KPNA3: variants seen among roughly 807,000 people sequenced by gnomAD.
KPNA3 encodes karyopherin subunit alpha 3, also known as importin subunit alpha-4.
KPNA3 carries 13 observed loss-of-function variants against 73.8 expected under a neutral mutation model. The ratio of observed to expected loss-of-function variants is 0.18; its 90% CI spans 0.11 to 0.28. The LOEUF (loss-of-function observed/expected upper bound fraction) is 0.28. KPNA3 is among the 10% of genes least tolerant of loss of function. The pLI is 1.00. For missense variants in KPNA3, 360 were observed against 618.1 expected (o/e 0.58, Z 4.43); for synonymous variants, 186 against 206.9 (o/e 0.90, Z 0.87).
intron 10 of KPNA3, 88 bp downstream of exon 10, chr13:49,719,687 T>C: frequency 1.1e-6 from 1 of 877,498 alleles, no homozygotes; most frequent in South Asian, 1.5e-5. Flanking sequence ...ACTTGACAAG[T>C]TGATAAAATG....
At chr13:49,736,594 G>GT (rs1369243210) in intron 2 of KPNA3, among the ~76,000 whole-genome samples, 1 of 152,128 alleles carries the variant, frequency 6.6e-6, no homozygotes, top group African/African-American at 2.4e-5. Context: ...TACCCCAAAG[G>GT]TAACACTTTG....
chr13:49,705,769 T>C lies in KPNA3; in HGVS notation c.1224A>G (p.Val408=). 1 of 1,609,450 alleles carries C rather than the reference T, an allele frequency of 6.2e-7. No individual in the cohort carries two copies. Among genetic ancestry groups the C allele is most frequent in the Non-Finnish European group, 8.5e-7 (1 of 1,177,666 alleles). The part of the protein sequence containing the change: ...SGRKDQVEYL[V]QQNVIPPFCN... ...AGAACGGTGGTATTACATTCTGCTG[T>C]ACAAGGTACTCAACCTAGACAACAA... is the stretch of plus-strand genomic sequence containing the variant. Residue 408 remains valine (V), a synonymous_variant, in exon 15 of 17, where the codon GTA becomes GTG. Coordinates refer to ENST00000261667, the MANE Select transcript of KPNA3 (RefSeq NM_002267.4).
intron 1 of KPNA3, among the ~76,000 whole-genome samples, chr13:49,748,549 T>C (rs1211084174): frequency 6.6e-6 from 1 of 152,096 alleles, no homozygotes; most frequent in Non-Finnish European, 1.5e-5. Context: ...GTGATATCTC[T>C]TTCTTAAACC....
intron 1 of KPNA3, among the ~76,000 whole-genome samples, chr13:49,762,245 A>G (rs1190924097): frequency 1.1e-4 from 14 of 129,110 alleles, no homozygotes; most frequent in Non-Finnish European, 2.3e-4. Context: ...CGGAGGGAGG[A>G]GGGGGGGCGC....
intron 6 of KPNA3, among the ~76,000 whole-genome samples, chr13:49,727,887 G>A (rs185916780): frequency 1.4e-3 from 217 of 152,246 alleles, no homozygotes; most frequent in Non-Finnish European, 2.5e-3. Context: ...AAAACTTTAC[G>A]GGGAAAATGC....
chr13:49,728,992 T>G (rs1384272919), intron 6 of KPNA3, among the ~76,000 whole-genome samples: 1 of 152,200 alleles, frequency 6.6e-6, no homozygotes, highest in Non-Finnish European at 1.5e-5. Context: ...GTTAATATCA[T>G]GAAAAAGACT....
chr13:49,785,005 C>G (rs1594465438), intron 1 of KPNA3, among the ~76,000 whole-genome samples: 1 of 152,100 alleles, frequency 6.6e-6, no homozygotes, highest in East Asian at 1.9e-4. Context: ...TAGGAATTAG[C>G]CAGGCAACAG....
At chr13:49,709,076 G>A (rs560909219) in intron 12 of KPNA3, among the ~76,000 whole-genome samples, 41 of 152,252 alleles carry the variant, frequency 2.7e-4, no homozygotes, top group African/African-American at 9.9e-4. Flanking sequence ...TTTACTCTGT[G>A]ATGACCAGGG....
intron 11 of KPNA3, among the ~76,000 whole-genome samples, chr13:49,710,536 G>A (rs1284529903): frequency 1.3e-5 from 2 of 152,210 alleles, no homozygotes; most frequent in African/African-American, 2.4e-5. Context: ...GGAATTGCAA[G>A]GAGGAATCAA....
At chr13:49,718,988 A>T (rs1186346595) in intron 10 of KPNA3, among the ~76,000 whole-genome samples, 3 of 152,026 alleles carry the variant, frequency 2.0e-5, no homozygotes, top group Non-Finnish European at 2.9e-5. Flanking sequence ...AAAAACACAA[A>T]TATACAACAA....
intron 1 of KPNA3, among the ~76,000 whole-genome samples, chr13:49,787,142 G>C (rs1430506700): frequency 6.6e-6 from 1 of 152,214 alleles, no homozygotes; most frequent in African/African-American, 2.4e-5. Flanking sequence ...AGAGCTAACT[G>C]AATTTTGCAG....
At chr13:49,778,499 T>G (rs1021882384) in intron 1 of KPNA3, among the ~76,000 whole-genome samples, 1 of 152,242 alleles carries the variant, frequency 6.6e-6, no homozygotes, top group African/African-American at 2.4e-5. Flanking sequence ...CTCTTTAATT[T>G]GACTAAGGAC....
At position 49,729,484 on chromosome 13, in the gene KPNA3, A is replaced by G. The variant is rs1341238248; in HGVS notation, c.383+2887T>C. On this transcript the variant is annotated intron_variant, in intron 6 of 16. Coordinates refer to ENST00000261667, the MANE Select transcript of KPNA3 (RefSeq NM_002267.4). ...AAAAGATATAGAAAAAACGAGTGCA[A>G]TAACAAATGGACATTTATGGCCGAG... Among the ~76,000 whole-genome samples the G allele has an allele frequency of 2.0e-5, 3 of 152,204 alleles. No individual in the cohort carries two copies. The South Asian group carries it at 6.2e-4, about 31-fold the overall frequency.
intron 1 of KPNA3, among the ~76,000 whole-genome samples, chr13:49,777,475 T>C (rs1954906811): frequency 6.6e-6 from 1 of 152,154 alleles, no homozygotes; most frequent in Non-Finnish European, 1.5e-5. Context: ...TAATATTATA[T>C]AAATGCCACA....
chr13:49,713,300 AC>A (rs1206159097), intron 10 of KPNA3, among the ~76,000 whole-genome samples: 21 of 16,026 alleles, frequency 1.3e-3, no homozygotes, highest in Non-Finnish European at 7.1e-3. Context: ...GAGAATAAAC[AC>A]ACACACACAC....
At chr13:49,733,473 G>C (rs1473775801) in intron 2 of KPNA3, among the ~76,000 whole-genome samples, 2 of 152,018 alleles carry the variant, frequency 1.3e-5, no homozygotes, top group African/African-American at 4.8e-5. Context: ...ATTTTTAGTA[G>C]AGATGTGTTT....
chr13:49,780,639 A>T (rs557203720), intron 1 of KPNA3, among the ~76,000 whole-genome samples: 1 of 152,148 alleles, frequency 6.6e-6, no homozygotes, highest in Non-Finnish European at 1.5e-5. Context: ...TTCCCCAGCG[A>T]AAAGGTTTTT....
At chr13:49,751,679 C>T (rs769953888) in intron 1 of KPNA3, among the ~76,000 whole-genome samples, 36 of 152,174 alleles carry the variant, frequency 2.4e-4, no homozygotes, top group African/African-American at 8.2e-4. Context: ...GAGGCCGAGG[C>T]GGGAGGATTG....
In KPNA3 at chr13:49,755,038, G is replaced by T. The variant is rs983037697; in HGVS notation, c.70-8045C>A. Among the ~76,000 whole-genome samples the T allele has an allele frequency of 2.0e-5, 3 of 151,224 alleles. No homozygotes were observed. In the East Asian group the frequency reaches 5.8e-4, roughly 29 times the overall value. ...TATGAAGCTAATTACAAAATTACCT[G>T]AATAACAAAACCAGAAAAGACAGCA... On this transcript the variant is annotated intron_variant, in intron 1 of 16. Transcript: ENST00000261667.
Sources: allele counts gnomAD v4.1 joint callset (sites outside exome capture counted in the v4.1 genomes callset), GRCh38; gene constraint gnomAD v4.1.1; transcripts MANE v1.5; gene names NCBI Gene and HGNC (gene_info 2026-07-23, HGNC 2026-07-21).